Variants in HIP1R observed in about 807,000 individuals in gnomAD.
HIP1R encodes the protein huntingtin-interacting protein 1-related protein.
A neutral mutation model predicts 144.2 loss-of-function variants in HIP1R; 135 were observed. That is an observed-to-expected ratio of 0.94 (90% CI 0.81 to 1.08). HIP1R has a LOEUF of 1.08. HIP1R is among the 50% of genes least tolerant of loss of function. The probability of loss-of-function intolerance (pLI) is 0.00; values close to 1 mark genes in which losing one functional copy is unlikely to be tolerated. For missense variants in HIP1R, 1,462 were observed against 1,432.8 expected (o/e 1.02, Z -0.33); for synonymous variants, 698 against 612.8 (o/e 1.14, Z -2.05).
rs922159167 is a variant in HIP1R at position 122,862,237 on chromosome 12, G to A, written c.*484G>A. On this transcript the variant is annotated 3_prime_UTR_variant, in exon 32 of 32. Coordinates refer to ENST00000253083, the MANE Select transcript of HIP1R (RefSeq NM_003959.3). ...TCAGGCATCCTGTCTGTGGCCTTCTGGGGCACCGATTCTACCAGGCCCTCC... is the reference window on the plus strand; with the variant it reads ...TCAGGCATCCTGTCTGTGGCCTTCTAGGGCACCGATTCTACCAGGCCCTCC... 6.3e-6 allele frequency: 1 copy of A among 158,670 alleles called. No homozygotes were observed. Among genetic ancestry groups the A allele is most frequent in the Non-Finnish European group, 1.4e-5 (1 of 72,740 alleles). The allele number at this position is 158,670 out of a possible 1,614,324, so 9.8% of individuals were successfully genotyped here.
Position 122,835,666 on chromosome 12 carries a change from G to A in HIP1R, c.93+23G>A, listed in dbSNP as rs760385205. On this transcript the variant is annotated intron_variant, in intron 1 of 31. Transcript: ENST00000253083. Reference sequence around the variant, plus strand: ...CAGGCGAGCGGGCGGCGGGCGGCGGGCGGCGGGCGGCGGCGGGCGGGCGGG... The same window carrying A: ...CAGGCGAGCGGGCGGCGGGCGGCGGACGGCGGGCGGCGGCGGGCGGGCGGG... The A allele has an allele frequency of 7.9e-6, 8 of 1,007,426 alleles. No homozygotes were observed. In the South Asian group the frequency reaches 3.4e-4, roughly 43 times the overall value. 62.4% of individuals were successfully genotyped at this position (1,007,426 alleles called of 1,614,324 possible).
chr12:122,844,936 A>G (rs1207623882), intron 1 of HIP1R, among the ~76,000 whole-genome samples: 1 of 151,846 alleles, frequency 6.6e-6, no homozygotes, highest in African/African-American at 2.4e-5. Context: ...GCAGCCCTCT[A>G]CCTCCCATGG....
At chr12:122,852,440 G>A (rs1192084242) in intron 7 of HIP1R, among the ~76,000 whole-genome samples, 2 of 152,264 alleles carry the variant, frequency 1.3e-5, no homozygotes, top group African/African-American at 4.8e-5. Context: ...GAGCCCACCA[G>A]GTAGGAGCCA....
At chr12:122,858,461 G>A in intron 20 of HIP1R, 26 bp downstream of exon 20, 2 of 1,554,000 alleles carry the variant, frequency 1.3e-6, no homozygotes, top group East Asian at 2.3e-5. Flanking sequence ...GCAGGGCGGA[G>A]GCGGGGGCTG....
Position 122,856,068 on chromosome 12 carries a change from T to C in HIP1R, c.1217T>C (p.Leu406Pro). 1.3e-6 allele frequency: 2 copies of C among 1,590,160 alleles called. No individual in the cohort carries two copies. Among genetic ancestry groups the C allele is most frequent in the Non-Finnish European group, 8.6e-7 (1 of 1,168,668 alleles). ...EEQRKQKQKA[L>P]VDNEQLRHEL... ...CAGCGGAAGCAGAAGCAGAAGGCCCTGGTGGATAATGAGCAGCTCCGCCAC... is the reference window on the plus strand; with the variant it reads ...CAGCGGAAGCAGAAGCAGAAGGCCCCGGTGGATAATGAGCAGCTCCGCCAC... Residue 406 changes from leucine to proline, a missense_variant, in exon 14 of 32, where the codon CTG becomes CCG. This residue lies in a region of HIP1R where 1,112 missense variants were observed against 1,011.7 expected (regional missense o/e 1.10). Coordinates refer to ENST00000253083, the MANE Select transcript of HIP1R (RefSeq NM_003959.3).
In HIP1R at chr12:122,854,940, C is replaced by T. The variant is rs145314622; in HGVS notation, c.754C>T (p.Arg252Trp). The change falls in exon 9 of 32, where the codon CGG becomes TGG. Residue 252 changes from arginine (R) to tryptophan (W), a missense_variant. This residue lies in a region of HIP1R where 350 missense variants were observed against 421.1 expected (regional missense o/e 0.83). Transcript: ENST00000253083. ...PADTLQGHRDRFHEQFHSLRN... is the reference protein window; with the variant it reads ...PADTLQGHRDWFHEQFHSLRN... ...GGACACCCTGCAAGGCCACAGGGAC[C>T]GGTTCCACGAGCAGTTTCACAGGTA... is the stretch of plus-strand genomic sequence containing the variant. The T allele has an allele frequency of 1.4e-4, 220 of 1,612,070 alleles. 1 individual carries two copies. Among genetic ancestry groups the T allele is most frequent in the Non-Finnish European group, 1.7e-4 (200 of 1,179,492 alleles).
intron 1 of HIP1R, among the ~76,000 whole-genome samples, chr12:122,847,676 T>C (rs747224195): frequency 1.1e-4 from 17 of 152,146 alleles, no homozygotes; most frequent in Non-Finnish European, 2.1e-4. Context: ...CAAGGGGAGA[T>C]GGGGCCGGAG....
intron 1 of HIP1R, among the ~76,000 whole-genome samples, chr12:122,838,894 C>T (rs939424791): frequency 2.0e-5 from 3 of 152,166 alleles, no homozygotes; most frequent in East Asian, 1.9e-4. Flanking sequence ...CTGGAAAAGG[C>T]GAGGAAATGG....
chr12:122,858,816 T>G, intron 20 of HIP1R, 22 bp from the exon 21 acceptor site: 7 of 1,395,684 alleles, frequency 5.0e-6, no homozygotes, highest in Non-Finnish European at 6.1e-6. Context: ...TCCCCCAACC[T>G]TGGCCCCACC....
At chr12:122,845,112 C>T (rs777726462) in intron 1 of HIP1R, among the ~76,000 whole-genome samples, 7 of 152,226 alleles carry the variant, frequency 4.6e-5, no homozygotes, top group Non-Finnish European at 1.0e-4. Flanking sequence ...TCAAGGACAC[C>T]GTGTGGGTCT....
rs755926229 is a variant in HIP1R at position 122,860,124 on chromosome 12, T to G, written c.2497-24T>G. On this transcript the variant is annotated intron_variant, in intron 25 of 31. Transcript: ENST00000253083. ...GGGTCTGCACCTGGAGGGCCACCAGTCATTGCTGTCTTGGTCTCGGCAGGC... is the reference window on the plus strand; with the variant it reads ...GGGTCTGCACCTGGAGGGCCACCAGGCATTGCTGTCTTGGTCTCGGCAGGC... 5.7e-6 allele frequency: 9 copies of G among 1,587,756 alleles called. No homozygotes were observed. In the African/African-American group the frequency reaches 1.2e-4, roughly 21 times the overall value.
chr12:122,849,782 G>T (rs2033319959), intron 4 of HIP1R, 93 bp from the exon 5 acceptor site: 2 of 798,552 alleles, frequency 2.5e-6, no homozygotes, highest in Non-Finnish European at 4.3e-6. Context: ...ATGAAGAAGT[G>T]CCCGGTGGTG....
At chr12:122,847,337 C>T (rs562682755) in intron 1 of HIP1R, among the ~76,000 whole-genome samples, 20 of 152,190 alleles carry the variant, frequency 1.3e-4, no homozygotes, top group Non-Finnish European at 2.2e-4. Context: ...ATAGGTGGAG[C>T]GGGAGGGATG....
At chr12:122,848,884 A>T in intron 4 of HIP1R, 32 bp downstream of exon 4, 1 of 1,609,204 alleles carries the variant, frequency 6.2e-7, no homozygotes, top group Admixed American at 1.7e-5. Context: ...CCTGCCTGGC[A>T]TTCGGGGCTT....
chr12:122,837,236 G>A (rs1433718635), intron 1 of HIP1R, among the ~76,000 whole-genome samples: 1 of 152,138 alleles, frequency 6.6e-6, no homozygotes, highest in Non-Finnish European at 1.5e-5. Flanking sequence ...GAAGTCAAGG[G>A]CAACCTTCCT....
chr12:122,856,061 A>G lies in HIP1R; in HGVS notation c.1210A>G (p.Lys404Glu). The G allele has an allele frequency of 6.3e-7, 1 of 1,592,512 alleles. No homozygotes were observed. Among genetic ancestry groups the G allele is most frequent in the East Asian group, 2.3e-5 (1 of 43,924 alleles). ...GGAGGAGCAGCGGAAGCAGAAGCAG[A>G]AGGCCCTGGTGGATAATGAGCAGCT... is the stretch of plus-strand genomic sequence containing the variant. ...ELEEQRKQKQ[K>E]ALVDNEQLRH... Residue 404 changes from lysine to glutamate, a missense_variant, in exon 14 of 32, where the codon AAG becomes GAG. Around this residue, in one of 2 missense-constraint regions of HIP1R, gnomAD observed 1,112 missense variants for 1,011.7 expected, o/e 1.10. Coordinates refer to ENST00000253083, the MANE Select transcript of HIP1R (RefSeq NM_003959.3).
chr12:122,839,001 C>T (rs549129104), intron 1 of HIP1R, among the ~76,000 whole-genome samples: 5 of 152,224 alleles, frequency 3.3e-5, no homozygotes, highest in East Asian at 1.9e-4. Flanking sequence ...TCCAGAACTG[C>T]GAGTTTGTGT....
At position 122,848,595 on chromosome 12, in the gene HIP1R, A is replaced by G; in HGVS notation, c.287A>G (p.Asp96Gly). 6.2e-7 allele frequency: 1 copy of G among 1,612,214 alleles called. No homozygotes were observed. Residue 96 changes from aspartate (D) to glycine (G), a missense_variant, in exon 3 of 32, where the codon GAC becomes GGC. By Grantham distance (94) the Asp-to-Gly change is moderately conservative. This residue lies in a region of HIP1R where 350 missense variants were observed against 421.1 expected (regional missense o/e 0.83). Transcript: ENST00000253083. ...FCHVLHKVLR[D>G]GHPNVLHDCQ... Reference sequence around the variant, plus strand: ...CACGTCCTCCACAAGGTCCTTCGAGACGGGCACCCCAATGTGAGTAGCAGC... The same window carrying G: ...CACGTCCTCCACAAGGTCCTTCGAGGCGGGCACCCCAATGTGAGTAGCAGC...
intron 18 of HIP1R, 195 bp from the exon 19 acceptor site, chr12:122,857,907 C>G (rs928083135): frequency 4.4e-6 from 2 of 450,654 alleles, no homozygotes; most frequent in African/African-American, 4.0e-5. Flanking sequence ...CTTGAGCTCA[C>G]GTTTTAATTG....
Sources: allele counts gnomAD v4.1 joint callset (sites outside exome capture counted in the v4.1 genomes callset), GRCh38; gene constraint gnomAD v4.1.1; regional missense constraint gnomAD v4.1.1; transcripts MANE v1.5; gene names NCBI Gene and HGNC (gene_info 2026-07-23, HGNC 2026-07-21).